Variants in KCNQ1 observed in about 807,000 individuals in gnomAD.
KCNQ1 encodes potassium voltage-gated channel subfamily Q member 1, also known as potassium voltage-gated channel subfamily KQT member 1.
In KCNQ1, 49 loss-of-function variants were observed where a neutral mutation model predicts 72.4. The observed-to-expected ratio is 0.68, with a 90% CI of 0.54 to 0.86. The LOEUF is 0.86. Among genes scored for constraint, KCNQ1 ranks in the 40% least tolerant of loss-of-function variants. The pLI is 0.00. For synonymous variants in KCNQ1, 450 were observed against 412.6 expected (o/e 1.09, Z -1.10); for missense variants, 790 against 945.1 (o/e 0.84, Z 2.15).
Position 2,659,970 on chromosome 11 carries a change from T to C in KCNQ1, c.1394-1991T>C. The C allele has an allele frequency of 2.5e-6, 1 of 398,414 alleles. No individual in the cohort carries two copies. The highest frequency in any genetic ancestry group is 4.4e-6 in the Non-Finnish European group (1 of 225,968). 24.7% of individuals were successfully genotyped at this position (398,414 alleles called of 1,614,324 possible). A position where few individuals can be genotyped will look rare whatever the true frequency, so the allele number is the denominator to read the frequency against. On this transcript the variant is annotated intron_variant, in intron 10 of 15. Transcript: ENST00000155840. This position sits in a 1 kb window ranked among gnomAD's most constrained non-coding sequence, Gnocchi z 4.3. ...TGACCTGATAGGTGATATGCAAATA[T>C]TCTTTCCAAGTCTGTGCTTTGTCTT...
intron 10 of KCNQ1, chr11:2,637,980 A>T: frequency 6.6e-6 from 1 of 152,142 alleles, no homozygotes; most frequent in Non-Finnish European, 1.5e-5. Flanking sequence ...AGTCTGTTTT[A>T]TCAGAGACTA....
intron 15 of KCNQ1, among the ~76,000 whole-genome samples, chr11:2,798,547 C>CT (rs1181383388): frequency 3.7e-5 from 5 of 133,498 alleles, no homozygotes; most frequent in Non-Finnish European, 7.8e-5. Flanking sequence ...GCCGAGTTCC[C>CT]TGAAAAAAAA....
chr11:2,773,103 C>G (rs1340152229), intron 12 of KCNQ1, among the ~76,000 whole-genome samples: 4 of 152,226 alleles, frequency 2.6e-5, no homozygotes, highest in Admixed American at 2.6e-4. Context: ...CAAGGCAGTG[C>G]TCAGCATCCC....
intron 11 of KCNQ1, chr11:2,689,307 A>G (rs910318760): frequency 2.3e-5 from 9 of 398,510 alleles, no homozygotes; most frequent in African/African-American, 6.2e-5. Flanking sequence ...CTAAGACTCA[A>G]TGCCACCTCA....
At chr11:2,634,160 TTCTC>T (rs1243363648) in intron 10 of KCNQ1, 2 of 396,564 alleles carry the variant, frequency 5.0e-6, no homozygotes, top group Non-Finnish European at 8.9e-6. Flanking sequence ...GATTTCTCTT[TTCTC>T]TCTCTCTCCC....
chr11:2,751,160 G>C (rs915136885), intron 11 of KCNQ1, among the ~76,000 whole-genome samples: 6 of 152,184 alleles, frequency 3.9e-5, no homozygotes, highest in Non-Finnish European at 7.3e-5. Flanking sequence ...GCAGTGACTG[G>C]TTTTGCCGGG....
chr11:2,462,739 G>A lies in KCNQ1; in HGVS notation c.386+17255G>A, dbSNP rs1419222775. Among the ~76,000 whole-genome samples, 1 of 152,186 alleles carries A rather than the reference G, an allele frequency of 6.6e-6. No individual in the cohort carries two copies. The highest frequency in any genetic ancestry group is 1.5e-5 in the Non-Finnish European group (1 of 68,022). On this transcript the variant is annotated intron_variant, in intron 1 of 15. Transcript: ENST00000155840. This position sits in a 1 kb window ranked among gnomAD's most constrained non-coding sequence, Gnocchi z 8.2. ...TGGAGTGAAGGGGAGGGTGGGCGCT[G>A]CTGGCAAGAACCACAGGCAAAGAGG...
Position 2,537,831 on chromosome 11 carries a change from T to G in KCNQ1, c.477+9813T>G, listed in dbSNP as rs1302237780. ...CCTCCTGGCCTCAAGTGTTCCCACT[T>G]CAGCCTCCTGAGCAGCTGGGACTGT... is the stretch of plus-strand genomic sequence containing the variant. On this transcript the variant is annotated intron_variant, in intron 2 of 15. Coordinates refer to ENST00000155840, the MANE Select transcript of KCNQ1 (RefSeq NM_000218.3). The surrounding 1 kb of genome is among the most constrained non-coding windows in gnomAD (Gnocchi z 5.2). Among the ~76,000 whole-genome samples, 3 of 152,150 alleles carry G rather than the reference T, an allele frequency of 2.0e-5. No individual in the cohort carries two copies. Among genetic ancestry groups the G allele is most frequent in the Non-Finnish European group, 1.5e-5 (1 of 68,020 alleles).
chr11:2,461,767 TG>T (rs1846282178), intron 1 of KCNQ1: 1 of 1,336,208 alleles, frequency 7.5e-7, no homozygotes, highest in Non-Finnish European at 1.0e-6. Flanking sequence ...GGCAGGTGGA[TG>T]GGGGGCTGAA....
intron 11 of KCNQ1, among the ~76,000 whole-genome samples, chr11:2,705,042 C>T (rs1850883427): frequency 6.6e-6 from 1 of 152,186 alleles, no homozygotes; most frequent in South Asian, 2.1e-4. Flanking sequence ...GCACACGGCT[C>T]AGGCTGACAG....
chr11:2,620,211 A>ATT lies in KCNQ1; in HGVS notation c.1393+31368_1393+31369dup, dbSNP rs1312458170. On this transcript the variant is annotated intron_variant, in intron 10 of 15. Transcript: ENST00000155840. This position sits in a 1 kb window ranked among gnomAD's most constrained non-coding sequence, Gnocchi z 4.5. ...TAAGTTCATTCATGTATATATATATATTTTTTTTTTTTATTTTTTTTTTAG... is the reference window on the plus strand; with the variant it reads ...TAAGTTCATTCATGTATATATATATATTTTTTTTTTTTTTATTTTTTTTTTAG... 4 of 261,986 alleles carry ATT rather than the reference A, an allele frequency of 1.5e-5. No individual in the cohort carries two copies. The highest frequency in any genetic ancestry group is 2.7e-5 in the Non-Finnish European group (4 of 149,544). 16.2% of individuals were successfully genotyped at this position (261,986 alleles called of 1,614,324 possible).
chr11:2,744,118 T>C (rs762451692), intron 11 of KCNQ1, among the ~76,000 whole-genome samples: 16 of 152,330 alleles, frequency 1.1e-4, no homozygotes, highest in Middle Eastern at 3.4e-3. Context: ...ATTCTGAAAA[T>C]CAATGTTTAG....
At chr11:2,733,092 G>A (rs1376210473) in intron 11 of KCNQ1, among the ~76,000 whole-genome samples, 1 of 152,116 alleles carries the variant, frequency 6.6e-6, no homozygotes, top group Non-Finnish European at 1.5e-5. Context: ...TTCCCCCTCT[G>A]TAAAATAGGA....
intron 10 of KCNQ1, chr11:2,625,488 C>T (rs1480344353): frequency 1.0e-5 from 4 of 398,108 alleles, no homozygotes; most frequent in Non-Finnish European, 1.8e-5. Context: ...ACTTGTATTT[C>T]CTAATGACTA....
chr11:2,511,430 A>G (rs1308621130), intron 1 of KCNQ1, among the ~76,000 whole-genome samples: 1 of 152,132 alleles, frequency 6.6e-6, no homozygotes, highest in African/African-American at 2.4e-5. Context: ...CTTCAGGGTC[A>G]GTCTCTGCAT....
rs58284663 is a variant in KCNQ1 at position 2,756,951 on chromosome 11, TAA to T, written c.1515-11864_1515-11863del. On this transcript the variant is annotated intron_variant, in intron 11 of 15. Transcript: ENST00000155840. ...TTTCCCAACTTGATCAAGAGCATCT[TAA>T]AAAAAAAAAAAAAAAAAAAAAAAAA... 9.2e-3 allele frequency among the ~76,000 whole-genome samples: 469 copies of T among 50,908 alleles called. 1 individual carries two copies. Among genetic ancestry groups the T allele is most frequent in the African/African-American group, 0.015 (224 of 14,948 alleles). 33.4% of individuals were successfully genotyped at this position (50,908 alleles called of 152,430 possible).
chr11:2,616,908 T>G (rs2133798385), intron 10 of KCNQ1: 1 of 398,214 alleles, frequency 2.5e-6, no homozygotes, highest in East Asian at 3.6e-5. Flanking sequence ...ATGGTATTGT[T>G]CAAGTCCTCT....
rs1032259779 is a variant in KCNQ1 at position 2,670,309 on chromosome 11, T to G, written c.1514+8228T>G. On this transcript the variant is annotated intron_variant, in intron 11 of 15. Transcript: ENST00000155840. This position sits in a 1 kb window ranked among gnomAD's most constrained non-coding sequence, Gnocchi z 4.9. ...AACCCATAGGTGCCCAATGGAGAGATAATCTCAAATATGGTAGCAGAGTTC... is the reference window on the plus strand; with the variant it reads ...AACCCATAGGTGCCCAATGGAGAGAGAATCTCAAATATGGTAGCAGAGTTC... 9.3e-5 allele frequency: 37 copies of G among 398,454 alleles called. No individual in the cohort carries two copies. The highest frequency in any genetic ancestry group is 6.2e-4 in the Middle Eastern group (1 of 1,610). 24.7% of individuals were successfully genotyped at this position (398,454 alleles called of 1,614,324 possible).
chr11:2,539,285 G>T (rs1314203816), intron 2 of KCNQ1, among the ~76,000 whole-genome samples: 1 of 152,200 alleles, frequency 6.6e-6, no homozygotes, highest in African/African-American at 2.4e-5. Flanking sequence ...CCCCATAATG[G>T]CCAGGTAGAA....
Sources: gnomAD v4.1 joint callset for allele counts (sites outside exome capture counted in the v4.1 genomes callset) on GRCh38, gnomAD v4.1.1 for gene constraint, Gnocchi (gnomAD v3.1) non-coding constraint, MANE v1.5 for transcripts, NCBI Gene and HGNC (gene_info 2026-07-23, HGNC 2026-07-21) for gene names.